SGCG: variants seen among roughly 807,000 people sequenced by gnomAD.
SGCG encodes sarcoglycan gamma.
SGCG carries 26 observed loss-of-function variants against 29.3 expected under a neutral mutation model. The observed-to-expected ratio is 0.89, with a 90% CI of 0.65 to 1.23. SGCG has a LOEUF of 1.23. Ranked by LOEUF, SGCG falls within the 50% of genes most tolerant of loss-of-function variation. The pLI, the probability that SGCG is intolerant of heterozygous loss-of-function variation, is 0.00. For synonymous variants in SGCG, 145 were observed against 129.7 expected (o/e 1.12, Z -0.80); for missense variants, 353 against 356.0 (o/e 0.99, Z 0.07).
At position 23,325,087 on chromosome 13, in the gene SGCG, T is replaced by C. The variant is rs41283956; in HGVS notation, c.*546T>C. On this transcript the variant is annotated 3_prime_UTR_variant, in exon 8 of 8. Coordinates refer to ENST00000218867, the MANE Select transcript of SGCG (RefSeq NM_000231.3). ...TGAGGTTGATCTGGTTTTCAAGATGTAGTTAAAGGAATAAATCACTCAAAA... is the reference window on the plus strand; with the variant it reads ...TGAGGTTGATCTGGTTTTCAAGATGCAGTTAAAGGAATAAATCACTCAAAA... 2,300 of 165,348 alleles carry C rather than the reference T, an allele frequency of 0.014. 22 individuals are homozygous for C. Among genetic ancestry groups the C allele is most frequent in the Non-Finnish European group, 0.018 (1,319 of 74,750 alleles). The allele number at this position is 165,348 out of a possible 1,614,324, so 10.2% of individuals were successfully genotyped here. A position where few individuals can be genotyped will look rare whatever the true frequency, so the allele number is the denominator to read the frequency against.
At chr13:23,213,178 T>C (rs577524905) in intron 2 of SGCG, among the ~76,000 whole-genome samples, 1 of 152,294 alleles carries the variant, frequency 6.6e-6, no homozygotes, top group East Asian at 1.9e-4. Context: ...GATTAATTAA[T>C]TTAAGAAAAG....
intron 1 of SGCG, among the ~76,000 whole-genome samples, chr13:23,188,935 C>T (rs960348898): frequency 6.6e-6 from 1 of 152,184 alleles, no homozygotes; most frequent in Non-Finnish European, 1.5e-5. Context: ...AGGCAGATCA[C>T]TTTCATTCTT....
chr13:23,209,937 T>C (rs1239725698), intron 2 of SGCG, among the ~76,000 whole-genome samples: 1 of 152,218 alleles, frequency 6.6e-6, no homozygotes, highest in African/African-American at 2.4e-5. Context: ...ATGTGAAGTG[T>C]TTAATTTCTC....
intron 6 of SGCG, among the ~76,000 whole-genome samples, chr13:23,298,044 C>T (rs980629836): frequency 2.1e-4 from 31 of 150,600 alleles, no homozygotes; most frequent in Non-Finnish European, 7.4e-5. Flanking sequence ...CGCGGCCAGC[C>T]AACAATCACT....
chr13:23,213,912 C>T (rs1435242164), intron 2 of SGCG, among the ~76,000 whole-genome samples: 2 of 152,176 alleles, frequency 1.3e-5, no homozygotes, highest in Non-Finnish European at 2.9e-5. Context: ...CTGTGTGCTT[C>T]CTAAGGAAGG....
chr13:23,198,845 CAAAAAA>C (rs34460964), intron 1 of SGCG, among the ~76,000 whole-genome samples: 13 of 111,472 alleles, frequency 1.2e-4, no homozygotes, highest in South Asian at 2.8e-4. Context: ...GACTCCATCT[CAAAAAA>C]AAAAAAAAAA....
At position 23,295,411 on chromosome 13, in the gene SGCG, T is replaced by C; in HGVS notation, c.506-4T>C. 2 of 1,612,432 alleles carry C rather than the reference T, an allele frequency of 1.2e-6. No homozygotes were observed. Among genetic ancestry groups the C allele is most frequent in the Non-Finnish European group, 1.7e-6 (2 of 1,178,418 alleles). On this transcript the variant is annotated splice_polypyrimidine_tract_variant and splice_region_variant and intron_variant, in intron 5 of 7. Transcript: ENST00000218867. ...CTCCTGATACATCTTTGTTTTTTGT[T>C]TAGGGCCTGAAGGGGCTCTTTTTGA...
intron 3 of SGCG, among the ~76,000 whole-genome samples, chr13:23,250,397 C>T (rs755141287): frequency 2.6e-5 from 4 of 151,880 alleles, no homozygotes; most frequent in Non-Finnish European, 4.4e-5. Flanking sequence ...CCCTATCTTG[C>T]GTTTGGAGCT....
intron 2 of SGCG, among the ~76,000 whole-genome samples, chr13:23,231,887 G>A (rs531316556): frequency 2.0e-5 from 3 of 152,234 alleles, no homozygotes; most frequent in East Asian, 1.9e-4. Context: ...GGGAAGCTGA[G>A]GTGGGCAGAT....
the SGCG span, among the ~76,000 whole-genome samples, chr13:23,168,648 C>G: frequency 6.6e-6 from 1 of 152,204 alleles, no homozygotes; most frequent in African/African-American, 2.4e-5. Context: ...ACTTAAAAAT[C>G]TATTACTTTT....
At chr13:23,258,087 G>A (rs1249317892) in intron 4 of SGCG, among the ~76,000 whole-genome samples, 1 of 152,166 alleles carries the variant, frequency 6.6e-6, no homozygotes, top group Non-Finnish European at 1.5e-5. Flanking sequence ...TGTGAAGAAA[G>A]TCATTGGTAG....
rs1178251379 is a variant in SGCG, at chr13:23,324,363, A to G, written c.703-5A>G. 1 of 1,614,132 alleles carries G rather than the reference A, an allele frequency of 6.2e-7. No individual in the cohort carries two copies. The highest frequency in any genetic ancestry group is 1.7e-5 in the Admixed American group (1 of 60,022). ...ACTCTTCGTCTCTCATCTTCTCCCA[A>G]CCAGCTTGTGCTTGATGCTGAAACT... On this transcript the variant is annotated splice_region_variant and splice_polypyrimidine_tract_variant and intron_variant, in intron 7 of 7. Transcript: ENST00000218867.
chr13:23,299,443 TATATA>T (rs1352883823), intron 6 of SGCG, among the ~76,000 whole-genome samples: 393 of 23,038 alleles, frequency 0.017, 42 homozygotes, highest in Non-Finnish European at 0.02. Flanking sequence ...TATATATATA[TATATA>T]TATATATATT....
At chr13:23,195,262 A>AGATTTCT (rs1877442412) in intron 1 of SGCG, among the ~76,000 whole-genome samples, 1 of 152,224 alleles carries the variant, frequency 6.6e-6, no homozygotes, top group Non-Finnish European at 1.5e-5. Context: ...TAAAAGCTTT[A>AGATTTCT]GATTTCTGAT....
At chr13:23,230,291 C>A (rs1021350168) in intron 2 of SGCG, among the ~76,000 whole-genome samples, 4 of 152,086 alleles carry the variant, frequency 2.6e-5, no homozygotes, top group Admixed American at 2.6e-4. Flanking sequence ...TCCATATGAA[C>A]CTTAGAATAG....
chr13:23,279,524 T>A lies in SGCG; in HGVS notation c.505+46T>A, dbSNP rs17078558. 40,826 of 1,590,500 alleles carry A rather than the reference T, an allele frequency of 0.026. 777 individuals carry two copies. Among genetic ancestry groups the A allele is most frequent in the East Asian group, 0.09 (3,975 of 44,152 alleles). On this transcript the variant is annotated intron_variant, in intron 5 of 7. Transcript: ENST00000218867. ...AACACAACATTCCATGGAGTACACA[T>A]CTGCAAAAACACATTGTACTATTGA...
intron 6 of SGCG, among the ~76,000 whole-genome samples, chr13:23,300,361 T>C (rs1432536566): frequency 6.6e-6 from 1 of 152,186 alleles, no homozygotes; most frequent in Non-Finnish European, 1.5e-5. Context: ...AAGCTACTCA[T>C]AGAGAAATCA....
At chr13:23,245,999 C>G (rs1453222372) in intron 3 of SGCG, 1 of 152,662 alleles carries the variant, frequency 6.6e-6, no homozygotes, top group Non-Finnish European at 1.5e-5. Flanking sequence ...TACACCAGCT[C>G]TTGGTTCAGC....
chr13:23,232,558 G>T (rs145125342), intron 2 of SGCG, among the ~76,000 whole-genome samples: 1 of 152,142 alleles, frequency 6.6e-6, no homozygotes, highest in Non-Finnish European at 1.5e-5. Flanking sequence ...TGAAGTGAGC[G>T]GATCATGAGG....
Sources: allele counts gnomAD v4.1 joint callset (sites outside exome capture counted in the v4.1 genomes callset), GRCh38; gene constraint gnomAD v4.1.1; transcripts MANE v1.5; gene names NCBI Gene and HGNC (gene_info 2026-07-23, HGNC 2026-07-21).